CNTNAP4: variants seen among roughly 807,000 people sequenced by gnomAD.
CNTNAP4 encodes contactin associated protein family member 4.
In CNTNAP4, 98 loss-of-function variants were observed where a neutral mutation model predicts 148.4. The observed-to-expected ratio is 0.66, with a 90% CI of 0.56 to 0.78. The LOEUF is 0.78. CNTNAP4 is among the 30% of genes least tolerant of loss of function. The probability of loss-of-function intolerance (pLI) is 0.00; values close to 1 mark genes in which losing one functional copy is unlikely to be tolerated. For synonymous variants in CNTNAP4, 730 were observed against 565.1 expected (o/e 1.29, Z -4.14); for missense variants, 1,935 against 1,565.6 (o/e 1.24, Z -3.98).
intron 3 of CNTNAP4, among the ~76,000 whole-genome samples, chr16:76,411,321 A>C (rs905435656): frequency 4.6e-5 from 7 of 151,512 alleles, no homozygotes; most frequent in African/African-American, 1.7e-4. Flanking sequence ...GACATTTTGA[A>C]GTAGACTGAA....
Position 76,509,881 on chromosome 16 carries a change from T to C in CNTNAP4, c.2365+11187T>C, listed in dbSNP as rs567784151. On this transcript the variant is annotated intron_variant, in intron 15 of 23. Coordinates refer to ENST00000611870, the MANE Select transcript of CNTNAP4 (RefSeq NM_033401.5). ...CTTGAGGGTTGCATTTTTTTGATTT[T>C]GTATGTGCTTGAGAATATTTGTTGC... Among the ~76,000 whole-genome samples the C allele has an allele frequency of 2.4e-4, 23 of 97,002 alleles. 2 individuals carry two copies. Among genetic ancestry groups the C allele is most frequent in the African/African-American group, 5.9e-4 (23 of 38,784 alleles). The allele number at this position is 97,002 out of a possible 152,430, so 63.6% of individuals were successfully genotyped here.
chr16:76,331,197 CT>C (rs1041751764), intron 2 of CNTNAP4, among the ~76,000 whole-genome samples: 3 of 144,794 alleles, frequency 2.1e-5, no homozygotes, highest in East Asian at 2.0e-4. Context: ...TTTTCTTTTT[CT>C]TTTTTTTTAG....
intron 3 of CNTNAP4, 98 bp from the exon 4 acceptor site, chr16:76,427,354 A>G: frequency 1.0e-6 from 1 of 969,734 alleles, no homozygotes. Context: ...CATTCATAGT[A>G]AAATGCAGAT....
chr16:76,373,666 A>G (rs936586501), intron 3 of CNTNAP4, among the ~76,000 whole-genome samples: 10 of 152,038 alleles, frequency 6.6e-5, no homozygotes, highest in Non-Finnish European at 1.3e-4. Context: ...AGGCCGAGGC[A>G]GGTGGATCAC....
chr16:76,508,220 A>G lies in CNTNAP4; in HGVS notation c.2365+9526A>G, dbSNP rs141862190. Among the ~76,000 whole-genome samples the G allele has an allele frequency of 2.9e-4, 25 of 85,178 alleles. 11 individuals carry two copies. The East Asian group carries it at 0.017, about 57-fold the overall frequency. The allele number at this position is 85,178 out of a possible 152,430, so 55.9% of individuals were successfully genotyped here. The stretch of plus-strand genomic sequence containing the variant: ...AGAAACCTACAGCTTATGAATTATT[A>G]GTAAGAGACATGAATACATTTTTGG... On this transcript the variant is annotated intron_variant, in intron 15 of 23. Transcript: ENST00000611870.
chr16:76,399,039 G>A (rs1249144433), intron 3 of CNTNAP4, among the ~76,000 whole-genome samples: 1 of 151,972 alleles, frequency 6.6e-6, no homozygotes, highest in African/African-American at 2.4e-5. Context: ...TTATAAATTG[G>A]AATTCCCCTG....
At chr16:76,512,373 T>A (rs4444367) in intron 15 of CNTNAP4, among the ~76,000 whole-genome samples, 85,456 of 151,956 alleles carry the variant, frequency 0.56, 25,188 homozygotes, top group Middle Eastern at 0.73. Context: ...TTATGGTAGC[T>A]TGAGCCATGG....
At chr16:76,396,098 T>G (rs1241526958) in intron 3 of CNTNAP4, among the ~76,000 whole-genome samples, 2 of 152,148 alleles carry the variant, frequency 1.3e-5, no homozygotes. Context: ...AGGAAAGACC[T>G]CAACATCAAC....
At chr16:76,449,579 A>G (rs2080376206) in intron 6 of CNTNAP4, 136 bp from the exon 7 acceptor site, 2 of 648,156 alleles carry the variant, frequency 3.1e-6, no homozygotes, top group East Asian at 3.3e-5. Flanking sequence ...TTAAATCTAT[A>G]TCTTAATTTT....
intron 4 of CNTNAP4, among the ~76,000 whole-genome samples, chr16:76,433,549 C>T (rs907975076): frequency 1.3e-5 from 2 of 151,774 alleles, no homozygotes; most frequent in Admixed American, 1.3e-4. Flanking sequence ...GTTTAGAAAA[C>T]ATATAAAGAG....
At chr16:76,530,180 A>T (rs2083916139) in intron 17 of CNTNAP4, among the ~76,000 whole-genome samples, 1 of 152,168 alleles carries the variant, frequency 6.6e-6, no homozygotes, top group African/African-American at 2.4e-5. Context: ...GAATGGACAC[A>T]AGTTATTAAT....
At chr16:76,376,035 A>C (rs969131403) in intron 3 of CNTNAP4, among the ~76,000 whole-genome samples, 2 of 152,076 alleles carry the variant, frequency 1.3e-5, no homozygotes, top group African/African-American at 4.8e-5. Flanking sequence ...TTAAATACAA[A>C]AGGAGACAAG....
At chr16:76,483,207 T>G (rs2081903075) in intron 12 of CNTNAP4, among the ~76,000 whole-genome samples, 1 of 149,606 alleles carries the variant, frequency 6.7e-6, no homozygotes, top group African/African-American at 2.5e-5. Context: ...TTGATAAATA[T>G]CTCTAGTCTT....
At chr16:76,483,231 A>AACACAC (rs59206208) in intron 12 of CNTNAP4, among the ~76,000 whole-genome samples, 8,623 of 140,006 alleles carry the variant, frequency 0.062, 350 homozygotes, top group East Asian at 0.086. Flanking sequence ...AGTTTTAAGA[A>AACACAC]ACACACACAC....
intron 3 of CNTNAP4, among the ~76,000 whole-genome samples, chr16:76,361,431 C>G (rs571721779): frequency 6.6e-6 from 1 of 152,306 alleles, no homozygotes; most frequent in South Asian, 2.1e-4. Flanking sequence ...GCTTATTTCA[C>G]TTAGCGTTAT....
intron 12 of CNTNAP4, among the ~76,000 whole-genome samples, chr16:76,486,658 C>G (rs1192877360): frequency 6.6e-6 from 1 of 152,178 alleles, no homozygotes; most frequent in African/African-American, 2.4e-5. Flanking sequence ...GCTTATCTCC[C>G]CCAGATGCAT....
chr16:76,471,938 T>C (rs2081392024), intron 10 of CNTNAP4, among the ~76,000 whole-genome samples: 1 of 152,238 alleles, frequency 6.6e-6, no homozygotes, highest in Non-Finnish European at 1.5e-5. Context: ...TTTACTTCAA[T>C]ATTAATTCCA....
intron 3 of CNTNAP4, among the ~76,000 whole-genome samples, chr16:76,362,970 T>C (rs2013623287): frequency 6.6e-6 from 1 of 151,808 alleles, no homozygotes; most frequent in Middle Eastern, 3.4e-3. Flanking sequence ...ATACCTGTAA[T>C]CCCAGCATTT....
At chr16:76,551,285 C>G (rs1391144975) in intron 21 of CNTNAP4, among the ~76,000 whole-genome samples, 1 of 151,894 alleles carries the variant, frequency 6.6e-6, no homozygotes, top group African/African-American at 2.4e-5. Flanking sequence ...TCAATCCCAG[C>G]TACTCGGGAG....
Sources: allele counts gnomAD v4.1 joint callset (sites outside exome capture counted in the v4.1 genomes callset), GRCh38; gene constraint gnomAD v4.1.1; transcripts MANE v1.5; gene names NCBI Gene and HGNC (gene_info 2026-07-23, HGNC 2026-07-21).